Variants in VPS13D observed in about 807,000 individuals in gnomAD.
VPS13D encodes intermembrane lipid transfer protein VPS13D.
VPS13D carries 187 observed loss-of-function variants against 461.9 expected under a neutral mutation model. That is an observed-to-expected ratio of 0.40 (90% CI 0.36 to 0.46). The LOEUF (loss-of-function observed/expected upper bound fraction) is 0.46. VPS13D is among the 20% of genes least tolerant of loss of function. The pLI is 0.60. For synonymous variants in VPS13D, 1,951 were observed against 1,986.3 expected (o/e 0.98, Z 0.47); for missense variants, 4,711 against 5,364.9 (o/e 0.88, Z 3.81).
intron 60 of VPS13D, among the ~76,000 whole-genome samples, chr1:12,389,721 A>G (rs1644398329): frequency 6.6e-6 from 1 of 152,210 alleles, no homozygotes; most frequent in South Asian, 2.1e-4. Flanking sequence ...ACCTTCAGCA[A>G]GCACCTCATC....
Position 12,403,945 on chromosome 1 carries a change from C to T in VPS13D, c.12002C>T (p.Thr4001Ile). 6.2e-7 allele frequency: 1 copy of T among 1,605,844 alleles called. No individual in the cohort carries two copies. Among genetic ancestry groups the T allele is most frequent in the East Asian group, 2.2e-5 (1 of 44,574 alleles). The change falls in exon 63 of 70, where the codon ACC (threonine) becomes ATC (isoleucine). Residue 4001 changes from threonine (T) to isoleucine (I), a missense_variant. By Grantham distance (89) the Thr-to-Ile change is moderately conservative. Transcript: ENST00000620676. ...SIPQIKLSVF[T>I]SNKLPLDLKA... is the part of the protein sequence containing the mutation. ...CCTCAGATCAAGCTAAGTGTGTTCA[C>T]CTCCAACAAGCTCCCATTGGATCTT...
chr1:12,369,303 T>G (rs1339991125), intron 53 of VPS13D, among the ~76,000 whole-genome samples, 164 bp from the exon 54 acceptor site: 4 of 152,048 alleles, frequency 2.6e-5, no homozygotes, highest in Non-Finnish European at 5.9e-5. Flanking sequence ...GCAAGATGAT[T>G]AGAAACATTC....
chr1:12,380,802 G>A (rs1056336809), intron 57 of VPS13D, among the ~76,000 whole-genome samples: 7 of 152,210 alleles, frequency 4.6e-5, no homozygotes, highest in African/African-American at 1.7e-4. Context: ...TGCTTTTGGT[G>A]AGATTTATTT....
intron 30 of VPS13D, among the ~76,000 whole-genome samples, chr1:12,316,563 A>C (rs1642892226): frequency 6.6e-6 from 1 of 152,172 alleles, no homozygotes; most frequent in Non-Finnish European, 1.5e-5. Context: ...ACAAGAGTAG[A>C]GTGTTTCTGT....
intron 65 of VPS13D, among the ~76,000 whole-genome samples, chr1:12,447,966 A>G (rs914894760): frequency 3.3e-5 from 5 of 152,208 alleles, no homozygotes; most frequent in African/African-American, 1.2e-4. Context: ...TGCAAGATTC[A>G]GTGGGGGAGA....
At position 12,502,182 on chromosome 1, in the gene VPS13D, T is replaced by TGAAGGCAG. The variant is rs1226848744; in HGVS notation, c.12794+4556_12794+4563dup. ...CCTTGACAGCAGCAGGTAGAGAGACTGAAGGCAGGAAGCCAGTTAGGAGGC... is the reference window on the plus strand; with the variant it reads ...CCTTGACAGCAGCAGGTAGAGAGACTGAAGGCAGGAAGGCAGGAAGCCAGTTAGGAGGC... On this transcript the variant is annotated intron_variant, in intron 68 of 69. Transcript: ENST00000620676. The surrounding 1 kb of genome is among the most constrained non-coding windows in gnomAD (Gnocchi z 4.3). Among the ~76,000 whole-genome samples the TGAAGGCAG allele has an allele frequency of 6.6e-6, 1 of 151,986 alleles. No homozygotes were observed. The highest frequency in any genetic ancestry group is 1.5e-5 in the Non-Finnish European group (1 of 67,986).
At chr1:12,497,358 A>G in intron 67 of VPS13D, 142 bp from the exon 68 acceptor site, 1 of 931,784 alleles carries the variant, frequency 1.1e-6, no homozygotes, top group Non-Finnish European at 1.5e-6. Flanking sequence ...TGGTGTATTC[A>G]CAGGCAGTAC....
intron 65 of VPS13D, among the ~76,000 whole-genome samples, chr1:12,452,067 T>C (rs2100383892): frequency 6.6e-6 from 1 of 152,324 alleles, no homozygotes; most frequent in South Asian, 2.1e-4. Context: ...TATCTTTCTA[T>C]TATGCCACAT....
At chr1:12,268,948 G>C in intron 16 of VPS13D, 72 bp downstream of exon 16, 1 of 1,530,638 alleles carries the variant, frequency 6.5e-7, no homozygotes, top group Non-Finnish European at 8.8e-7. Context: ...TGGTGTTCTG[G>C]ACAAGGGTTA....
At chr1:12,497,993 A>G (rs1446088941) in intron 68 of VPS13D, among the ~76,000 whole-genome samples, 1 of 152,216 alleles carries the variant, frequency 6.6e-6, no homozygotes, top group Non-Finnish European at 1.5e-5. Context: ...TTGCCGCAGA[A>G]TGCTAGCAAA....
chr1:12,369,167 A>G (rs1181538229), intron 53 of VPS13D, among the ~76,000 whole-genome samples: 2 of 152,116 alleles, frequency 1.3e-5, no homozygotes, highest in African/African-American at 4.8e-5. Flanking sequence ...TAGATATTTG[A>G]CTTGGCAAAG....
intron 65 of VPS13D, among the ~76,000 whole-genome samples, chr1:12,424,734 T>G (rs767469925): frequency 6.6e-6 from 1 of 152,234 alleles, no homozygotes; most frequent in Non-Finnish European, 1.5e-5. Flanking sequence ...TCAGAACTTC[T>G]TCATTTCCTA....
In VPS13D at chr1:12,304,626, A is replaced by T; in HGVS notation, c.6337A>T (p.Met2113Leu). The T allele has an allele frequency of 6.2e-7, 1 of 1,614,120 alleles. No homozygotes were observed. Among genetic ancestry groups the T allele is most frequent in the Non-Finnish European group, 8.5e-7 (1 of 1,180,016 alleles). Residue 2113 changes from methionine (M) to leucine (L), a missense_variant, in exon 26 of 70, where the codon ATG becomes TTG. By Grantham distance (15) the Met-to-Leu change is conservative. This residue lies in a region of VPS13D where 4,411 missense variants were observed against 4,937.8 expected (regional missense o/e 0.89). Coordinates refer to ENST00000620676, the MANE Select transcript of VPS13D (RefSeq NM_015378.4). ...GCAGTTCACGATGCCTCTTGCTGGA[A>T]TGAGCCTAGGAAGCCTGAAGAGTGA... is the stretch of plus-strand genomic sequence containing the variant. The part of the protein sequence containing the change: ...QGQFTMPLAG[M>L]SLGSLKSEFV...
intron 22 of VPS13D, among the ~76,000 whole-genome samples, chr1:12,288,776 A>G (rs964376109): frequency 7.9e-5 from 12 of 152,088 alleles, no homozygotes; most frequent in Non-Finnish European, 1.8e-4. Flanking sequence ...CTAGAGTCAT[A>G]AATTGGGGGA....
chr1:12,459,305 C>T (rs1457351619), intron 66 of VPS13D, among the ~76,000 whole-genome samples: 1 of 152,074 alleles, frequency 6.6e-6, no homozygotes, highest in Non-Finnish European at 1.5e-5. Flanking sequence ...GGTGATTTAA[C>T]GTATACAGGA....
intron 60 of VPS13D, among the ~76,000 whole-genome samples, chr1:12,391,658 G>C (rs929221450): frequency 1.2e-4 from 19 of 152,150 alleles, no homozygotes; most frequent in African/African-American, 4.6e-4. Context: ...TGGCCAGCCT[G>C]ATCTCTGACT....
chr1:12,470,349 G>T (rs1363193803), intron 67 of VPS13D, among the ~76,000 whole-genome samples: 1 of 152,222 alleles, frequency 6.6e-6, no homozygotes, highest in Non-Finnish European at 1.5e-5. Context: ...AGCACAGTTA[G>T]AGTGGTAATA....
intron 22 of VPS13D, among the ~76,000 whole-genome samples, chr1:12,290,767 T>G (rs1264724765): frequency 6.6e-6 from 1 of 152,122 alleles, no homozygotes; most frequent in African/African-American, 2.4e-5. Flanking sequence ...TTCAGTCCCC[T>G]TTGGACTTCT....
chr1:12,475,032 A>G (rs1010302530), intron 67 of VPS13D, among the ~76,000 whole-genome samples: 1 of 152,096 alleles, frequency 6.6e-6, no homozygotes, highest in Non-Finnish European at 1.5e-5. Context: ...ACAGAGTAGC[A>G]TGGAGCCTCG....
Sources: gnomAD v4.1 joint callset for allele counts (sites outside exome capture counted in the v4.1 genomes callset) on GRCh38, gnomAD v4.1.1 for gene constraint, gnomAD v4.1.1 regional missense constraint, Gnocchi (gnomAD v3.1) non-coding constraint, MANE v1.5 for transcripts, NCBI Gene and HGNC (gene_info 2026-07-23, HGNC 2026-07-21) for gene names.